The following ABCD3 variants were observed in gnomAD, a reference collection of about 807,000 sequenced individuals.
ABCD3 encodes the protein ATP binding cassette subfamily D member 3, also known as ATP-binding cassette sub-family D member 3.
Under a neutral mutation model 105.5 loss-of-function variants are expected in ABCD3, and 41 were observed. That is an observed-to-expected ratio of 0.39 (90% CI 0.30 to 0.50). The LOEUF is 0.50. Ranked by LOEUF, ABCD3 falls within the 20% of genes least tolerant of loss-of-function variation. The pLI is 0.84. For synonymous variants in ABCD3, 258 were observed against 269.0 expected (o/e 0.96, Z 0.40); for missense variants, 622 against 806.3 (o/e 0.77, Z 2.77).
the ABCD3 span, among the ~76,000 whole-genome samples, chr1:94,396,615 G>A: frequency 7.9e-5 from 12 of 152,198 alleles, no homozygotes; most frequent in East Asian, 3.9e-4. Context: ...GTGTGTGCGC[G>A]CGCGCACGTG....
intron 1 of ABCD3, among the ~76,000 whole-genome samples, chr1:94,458,286 T>A (rs1647687232): frequency 6.6e-6 from 1 of 152,222 alleles, no homozygotes; most frequent in Non-Finnish European, 1.5e-5. Flanking sequence ...GCGGTTTACA[T>A]GGCCAAGCTA....
At chr1:94,435,774 C>T (rs962265518) in intron 1 of ABCD3, among the ~76,000 whole-genome samples, 1 of 152,232 alleles carries the variant, frequency 6.6e-6, no homozygotes, top group Non-Finnish European at 1.5e-5. Context: ...TTTGCTTCTT[C>T]ATTTACCAGT....
At chr1:94,464,039 G>A (rs1194947610) in intron 2 of ABCD3, among the ~76,000 whole-genome samples, 1 of 151,996 alleles carries the variant, frequency 6.6e-6, no homozygotes, top group African/African-American at 2.4e-5. Flanking sequence ...TTATGTCTAA[G>A]CTTAAATGTC....
In ABCD3 at chr1:94,421,562, A is replaced by ATGTGTGTGTGTG. The variant is rs3073023; in HGVS notation, c.110+2992_110+3003dup. Among the ~76,000 whole-genome samples, 568 of 149,016 alleles carry ATGTGTGTGTGTG rather than the reference A, an allele frequency of 3.8e-3. 2 individuals carry two copies. Among genetic ancestry groups the ATGTGTGTGTGTG allele is most frequent in the Non-Finnish European group, 4.7e-3 (316 of 67,146 alleles). On this transcript the variant is annotated intron_variant, in intron 1 of 22. Transcript: ENST00000370214. Reference sequence around the variant, plus strand: ...ATATTACTGTACTGGGAGCTATAAGATGTGTGTGTGTGTGTGTGTGTGTGT... The same window carrying ATGTGTGTGTGTG: ...ATATTACTGTACTGGGAGCTATAAGATGTGTGTGTGTGTGTGTGTGTGTGTGTGTGTGTGTGT...
intron 1 of ABCD3, among the ~76,000 whole-genome samples, chr1:94,435,890 C>T (rs149342761): frequency 3.9e-4 from 60 of 152,286 alleles, no homozygotes; most frequent in Non-Finnish European, 4.4e-4. Context: ...CAGTTTATTA[C>T]AGCTCTTGTC....
intron 1 of ABCD3, among the ~76,000 whole-genome samples, chr1:94,428,731 C>T (rs1377802207): frequency 6.6e-6 from 1 of 152,136 alleles, no homozygotes; most frequent in Non-Finnish European, 1.5e-5. Context: ...GAGGCCTCCT[C>T]AGCCATGTGG....
At chr1:94,419,446 C>T (rs1659171090) in intron 1 of ABCD3, 1 of 741,994 alleles carries the variant, frequency 1.3e-6, no homozygotes, top group Non-Finnish European at 1.6e-6. Flanking sequence ...AGCTGAATTA[C>T]GGTTGCGACA....
At chr1:94,405,665 G>T in the ABCD3 span, among the ~76,000 whole-genome samples, 2 of 152,128 alleles carry the variant, frequency 1.3e-5, no homozygotes, top group African/African-American at 4.8e-5. Flanking sequence ...AGTTTATCTT[G>T]CATTTCTTTA....
intron 8 of ABCD3, 146 bp from the exon 9 acceptor site, chr1:94,480,318 A>G: frequency 1.1e-6 from 1 of 934,004 alleles, no homozygotes; most frequent in South Asian, 1.6e-5. Context: ...ACTTTTTCAG[A>G]AAAAAAACAA....
chr1:94,430,610 C>T (rs1208832152), intron 1 of ABCD3, among the ~76,000 whole-genome samples: 1 of 152,172 alleles, frequency 6.6e-6, no homozygotes, highest in South Asian at 2.1e-4. Flanking sequence ...CTTACTCCTC[C>T]TTGCCTTGCA....
At chr1:94,440,111 T>A (rs1660078022) in intron 1 of ABCD3, among the ~76,000 whole-genome samples, 1 of 152,240 alleles carries the variant, frequency 6.6e-6, no homozygotes, top group African/African-American at 2.4e-5. Flanking sequence ...AATGTGTTTC[T>A]CACATGCTTT....
chr1:94,488,763 G>T (rs1401735471), intron 13 of ABCD3, among the ~76,000 whole-genome samples: 3 of 151,680 alleles, frequency 2.0e-5, no homozygotes, highest in Non-Finnish European at 4.4e-5. Context: ...TTTTCTTATG[G>T]CTTTACAGTT....
rs755791417 is a variant in ABCD3, at chr1:94,487,713, T to C, written c.987T>C (p.Gly329=). The C allele has an allele frequency of 4.3e-6, 7 of 1,614,106 alleles. No individual in the cohort carries two copies. The highest frequency in any genetic ancestry group is 5.1e-6 in the Non-Finnish European group (6 of 1,179,978). Reference sequence around the variant, plus strand: ...TTTCAGACCTTGCCACTGTTGTTGGTTACCTAGTTGTCAGTCGCCCTTTCT... The same window carrying C: ...TTTCAGACCTTGCCACTGTTGTTGGCTACCTAGTTGTCAGTCGCCCTTTCT... ...IIAKYLATVV[G]YLVVSRPFLD... is the part of the protein sequence containing the mutation. Residue 329 remains glycine, a synonymous_variant, in exon 12 of 23, where the codon GGT becomes GGC. Transcript: ENST00000370214.
intron 4 of ABCD3, among the ~76,000 whole-genome samples, chr1:94,470,174 A>C (rs72968337): frequency 0.16 from 24,530 of 152,070 alleles, 2,060 homozygotes; most frequent in East Asian, 0.35. Context: ...AGATCTGAAA[A>C]TGTCTTTCTT....
the ABCD3 span, among the ~76,000 whole-genome samples, chr1:94,401,832 T>G: frequency 1.3e-5 from 2 of 152,178 alleles, no homozygotes. Context: ...TTACATGCTA[T>G]AAAAGGCACA....
At chr1:94,442,471 TA>T (rs1307412489) in intron 1 of ABCD3, among the ~76,000 whole-genome samples, 8 of 152,252 alleles carry the variant, frequency 5.3e-5, no homozygotes, top group South Asian at 4.1e-4. Context: ...GTCTTTACAT[TA>T]AAAAAATGGT....
At chr1:94,386,910 T>A in the ABCD3 span, among the ~76,000 whole-genome samples, 1 of 152,212 alleles carries the variant, frequency 6.6e-6, no homozygotes, top group Non-Finnish European at 1.5e-5. Flanking sequence ...AGATTTTCAA[T>A]GAGCAGCATT....
Position 94,418,457 on chromosome 1 carries a change from G to A in ABCD3, c.-22G>A. The A allele has an allele frequency of 6.3e-7, 1 of 1,578,222 alleles. No individual in the cohort carries two copies. The highest frequency in any genetic ancestry group is 1.8e-4 in the Middle Eastern group (1 of 5,504). On this transcript the variant is annotated 5_prime_UTR_variant, in exon 1 of 23. Coordinates refer to ENST00000370214, the MANE Select transcript of ABCD3 (RefSeq NM_002858.4). The stretch of plus-strand genomic sequence containing the variant: ...CCGCCGCCGCCGCGTCCCCTCGCCG[G>A]CTCGCTGGTACCGGCAGTGCCATGG...
At chr1:94,452,343 A>C (rs1231693760) in intron 1 of ABCD3, among the ~76,000 whole-genome samples, 2 of 152,200 alleles carry the variant, frequency 1.3e-5, no homozygotes, top group Non-Finnish European at 2.9e-5. Flanking sequence ...GGTGAGAGAG[A>C]GCGCAGTATT....
Sources: allele counts gnomAD v4.1 joint callset (sites outside exome capture counted in the v4.1 genomes callset), GRCh38; gene constraint gnomAD v4.1.1; transcripts MANE v1.5; gene names NCBI Gene and HGNC (gene_info 2026-07-23, HGNC 2026-07-21).